Variants in SPATA21 observed in about 807,000 individuals in gnomAD.
SPATA21 encodes spermatogenesis associated 21.
A neutral mutation model predicts 54.8 loss-of-function variants in SPATA21; 47 were observed. That is an observed-to-expected ratio of 0.86 (90% CI 0.68 to 1.09). SPATA21 has a LOEUF of 1.09. SPATA21 is among the 50% of genes least tolerant of loss of function. The pLI, the probability that SPATA21 is intolerant of heterozygous loss-of-function variation, is 0.00. For missense variants in SPATA21, 599 were observed against 596.4 expected (o/e 1.00, Z -0.05); for synonymous variants, 245 against 235.3 (o/e 1.04, Z -0.38).
chr1:16,410,124 A>G, intron 5 of SPATA21, 81 bp from the exon 6 acceptor site: 4 of 1,163,642 alleles, frequency 3.4e-6, no homozygotes, highest in Non-Finnish European at 4.8e-6. Context: ...TCCCCTCTCC[A>G]GAGATCCTCA....
chr1:16,409,512 CA>C lies in SPATA21; in HGVS notation c.587+88del. ...AGAGGGGGACACACGAGGGAACAGG[CA>C]GGTGCAGGGACAGGGACCTGCATCC... is the stretch of plus-strand genomic sequence containing the variant. On this transcript the variant is annotated intron_variant, in intron 6 of 12. Coordinates refer to ENST00000335496, the MANE Select transcript of SPATA21 (RefSeq NM_198546.1). The surrounding 1 kb of genome is among the most constrained non-coding windows in gnomAD (Gnocchi z 4.1). The C allele has an allele frequency of 7.4e-7, 1 of 1,354,536 alleles. No homozygotes were observed. Among genetic ancestry groups the C allele is most frequent in the Admixed American group, 2.1e-5 (1 of 47,052 alleles). 83.9% of individuals were successfully genotyped at this position (1,354,536 alleles called of 1,614,324 possible).
intron 5 of SPATA21, among the ~76,000 whole-genome samples, chr1:16,415,854 G>A (rs954633234): frequency 6.6e-6 from 1 of 152,144 alleles, no homozygotes; most frequent in South Asian, 2.1e-4. Flanking sequence ...CACCACACCC[G>A]GCCAAATGTC....
intron 5 of SPATA21, among the ~76,000 whole-genome samples, chr1:16,417,532 AGG>A: frequency 6.8e-6 from 1 of 147,438 alleles, no homozygotes; most frequent in South Asian, 2.1e-4. Context: ...TCTGCCTCCC[AGG>A]TTCAAGCGAT....
intron 3 of SPATA21, 48 bp downstream of exon 3, chr1:16,431,290 T>G (rs1397334392): frequency 6.2e-6 from 10 of 1,614,136 alleles, no homozygotes; most frequent in Non-Finnish European, 8.5e-6. Context: ...CTCTTTATGG[T>G]GATCCTCAGG....
intron 3 of SPATA21, among the ~76,000 whole-genome samples, chr1:16,424,656 C>G (rs2086272951): frequency 2.0e-5 from 3 of 151,842 alleles, no homozygotes; most frequent in Admixed American, 1.3e-4. Context: ...TCAAGCAATC[C>G]TCCCACCTCA....
intron 3 of SPATA21, among the ~76,000 whole-genome samples, chr1:16,430,478 A>T (rs78116095): frequency 0.02 from 3,083 of 152,170 alleles, 118 homozygotes; most frequent in African/African-American, 0.071. Context: ...TGATGGAAAG[A>T]GGCTGAGAGG....
At position 16,409,998 on chromosome 1, in the gene SPATA21, G is replaced by A. The variant is rs2100816910; in HGVS notation, c.190C>T (p.Gln64Ter). 6.3e-7 allele frequency: 1 copy of A among 1,592,234 alleles called. No individual in the cohort carries two copies. The highest frequency in any genetic ancestry group is 8.5e-7 in the Non-Finnish European group (1 of 1,169,936). The change falls in exon 6 of 13, where the codon CAG becomes TAG. Residue 64 changes from glutamine (Q) to a stop codon, truncating the protein, a stop_gained. Transcript: ENST00000335496. LOFTEE classifies it high-confidence loss of function. The surrounding 1 kb of genome is among the most constrained non-coding windows in gnomAD (Gnocchi z 4.1). ...GCCACCGCGGGCTTCTGAGGCTGCTGCTGCGCACGGTCTGGCTCCCGCCTC... is the reference window on the plus strand; with the variant it reads ...GCCACCGCGGGCTTCTGAGGCTGCTACTGCGCACGGTCTGGCTCCCGCCTC... ...GERREPDRAQ[Q>*]QPQKPAVAAG...
At chr1:16,430,965 G>A (rs1047389311) in intron 3 of SPATA21, among the ~76,000 whole-genome samples, 1 of 152,228 alleles carries the variant, frequency 6.6e-6, no homozygotes, top group Non-Finnish European at 1.5e-5. Flanking sequence ...CCATCTTGCA[G>A]GGAGAGCTTG....
intron 3 of SPATA21, among the ~76,000 whole-genome samples, chr1:16,424,350 T>A (rs1313345699): frequency 1.3e-5 from 2 of 149,954 alleles, no homozygotes; most frequent in African/African-American, 4.9e-5. Context: ...AAAAAAGATC[T>A]TGTGGTCAAA....
Position 16,421,962 on chromosome 1 carries a change from G to A in SPATA21, c.44C>T (p.Thr15Ile). Reference sequence around the variant, plus strand: ...CGTGGATGGCAGGAAGGGGTTGACTGTCTTTTCCTCTGGAGCCACGACGGA... The same window carrying A: ...CGTGGATGGCAGGAAGGGGTTGACTATCTTTTCCTCTGGAGCCACGACGGA... ...NTQMYTEEEK[T>I]VNPFLPSTPG... is the part of the protein sequence containing the mutation. The change falls in exon 4 of 13, where the codon ACA (threonine) becomes ATA (isoleucine). Residue 15 changes from threonine to isoleucine, a missense_variant. Coordinates refer to ENST00000335496, the MANE Select transcript of SPATA21 (RefSeq NM_198546.1). The surrounding 1 kb of genome is among the most constrained non-coding windows in gnomAD (Gnocchi z 5.2). The A allele has an allele frequency of 1.9e-6, 3 of 1,614,220 alleles. No individual in the cohort carries two copies. The highest frequency in any genetic ancestry group is 2.2e-5 in the South Asian group (2 of 91,084).
At position 16,403,708 on chromosome 1, in the gene SPATA21, A is replaced by G; in HGVS notation, c.1001+19T>C. 6.2e-7 allele frequency: 1 copy of G among 1,606,032 alleles called. No individual in the cohort carries two copies. The highest frequency in any genetic ancestry group is 8.5e-7 in the Non-Finnish European group (1 of 1,173,002). On this transcript the variant is annotated intron_variant, in intron 10 of 12. Transcript: ENST00000335496. ...TCTGTGTCCACAACCCTTCACCCCC[A>G]ACAACCGGCCCCACTCACTTTGTGA...
In SPATA21 at chr1:16,421,416, G is replaced by T; in HGVS notation, c.144+93C>A. 7.8e-7 allele frequency: 1 copy of T among 1,278,780 alleles called. No homozygotes were observed. The highest frequency in any genetic ancestry group is 1.1e-6 in the Non-Finnish European group (1 of 926,674). 79.2% of individuals were successfully genotyped at this position (1,278,780 alleles called of 1,614,324 possible). A position where few individuals can be genotyped will look rare whatever the true frequency, so the allele number is the denominator to read the frequency against. On this transcript the variant is annotated intron_variant, in intron 5 of 12. Coordinates refer to ENST00000335496, the MANE Select transcript of SPATA21 (RefSeq NM_198546.1). The surrounding 1 kb of genome is among the most constrained non-coding windows in gnomAD (Gnocchi z 5.2). Reference sequence around the variant, plus strand: ...GTTTGACTCCAAATAGGGGTTTGACGTGCCACATCCGCTTCTGCCCTCTTC... The same window carrying T: ...GTTTGACTCCAAATAGGGGTTTGACTTGCCACATCCGCTTCTGCCCTCTTC...
rs377352084 is a variant in SPATA21 at position 16,409,911 on chromosome 1, C to T, written c.277G>A (p.Glu93Lys). 8 of 1,613,798 alleles carry T rather than the reference C, an allele frequency of 5.0e-6. No individual in the cohort carries two copies. Among genetic ancestry groups the T allele is most frequent in the African/African-American group, 2.7e-5 (2 of 74,922 alleles). The change falls in exon 6 of 13, where the codon GAG becomes AAG. Residue 93 changes from glutamate (E) to lysine (K), a missense_variant. Glu to Lys is a moderately conservative substitution (Grantham distance 56). Coordinates refer to ENST00000335496, the MANE Select transcript of SPATA21 (RefSeq NM_198546.1). The surrounding 1 kb of genome is among the most constrained non-coding windows in gnomAD (Gnocchi z 4.1). ...QGFMKCLLEV[E>K]KMEASHRRAS... ...CTCCGATGGGAGGCCTCCATTTTCTCCACCTCCAGCAAGCACTTCATGAAG... is the reference window on the plus strand; with the variant it reads ...CTCCGATGGGAGGCCTCCATTTTCTTCACCTCCAGCAAGCACTTCATGAAG...
chr1:16,427,514 T>C (rs2100887294), intron 3 of SPATA21, among the ~76,000 whole-genome samples: 1 of 152,322 alleles, frequency 6.6e-6, no homozygotes, highest in East Asian at 1.9e-4. Flanking sequence ...TTCCTGTGTC[T>C]CCTAACCTTT....
intron 3 of SPATA21, chr1:16,425,332 G>A: frequency 1.5e-6 from 1 of 671,846 alleles, no homozygotes; most frequent in Non-Finnish European, 2.7e-6. Flanking sequence ...CCAGGCTGGA[G>A]TGCAGTGGCC....
chr1:16,407,554 G>C (rs1039603001), intron 7 of SPATA21, among the ~76,000 whole-genome samples: 4 of 151,588 alleles, frequency 2.6e-5, no homozygotes, highest in Admixed American at 6.6e-5. Context: ...CCACTTCCCA[G>C]GTTCAAGCGA....
chr1:16,400,743 C>T lies in SPATA21; in HGVS notation c.1151G>A (p.Ser384Asn). The T allele has an allele frequency of 6.2e-7, 1 of 1,614,080 alleles. No homozygotes were observed. The highest frequency in any genetic ancestry group is 8.5e-7 in the Non-Finnish European group (1 of 1,179,970). Residue 384 changes from serine to asparagine, a missense_variant, in exon 11 of 13, where the codon AGC (serine) becomes AAC (asparagine). Transcript: ENST00000335496. ...VPERKVLSIL[S>N]RLKQQNYAPN... ...ACCATAGTTCTGCTGCTTCAGCCGG[C>T]TCAGGATACTGAGGACCTTTCGTTC...
chr1:16,437,670 T>C (rs1482009227), upstream of SPATA21, among the ~76,000 whole-genome samples: 1 of 152,144 alleles, frequency 6.6e-6, no homozygotes, highest in Non-Finnish European at 1.5e-5. Flanking sequence ...AGGAGCTGGA[T>C]TGGCCACATC....
chr1:16,423,539 CTTTTTT>C (rs966239575), intron 3 of SPATA21, among the ~76,000 whole-genome samples: 1 of 111,660 alleles, frequency 9.0e-6, no homozygotes, highest in South Asian at 2.6e-4. Context: ...TCTCTCTCTC[CTTTTTT>C]TTTTTTTTTT....
Sources: allele counts gnomAD v4.1 joint callset (sites outside exome capture counted in the v4.1 genomes callset), GRCh38; gene constraint gnomAD v4.1.1; non-coding constraint Gnocchi (gnomAD v3.1); transcripts MANE v1.5; gene names NCBI Gene and HGNC (gene_info 2026-07-23, HGNC 2026-07-21).